The following CPD variants were observed in gnomAD, a reference collection of about 807,000 sequenced individuals.
CPD encodes the protein carboxypeptidase D.
In CPD, 69 loss-of-function variants were observed where a neutral mutation model predicts 138.3. That is an observed-to-expected ratio of 0.50 (90% CI 0.41 to 0.61). The LOEUF (loss-of-function observed/expected upper bound fraction) is 0.61. Among genes scored for constraint, CPD ranks in the 20% least tolerant of loss-of-function variants. The probability of loss-of-function intolerance (pLI) is 0.00; values close to 1 mark genes in which losing one functional copy is unlikely to be tolerated. For missense variants in CPD, 1,432 were observed against 1,733.3 expected, an observed-to-expected ratio of 0.83 and a Z score of 3.09; for synonymous variants, 651 against 642.1, an observed-to-expected ratio of 1.01 and a Z score of -0.21.
chr17:30,378,957 C>CG lies in CPD; in HGVS notation c.-20dup. The CG allele has an allele frequency of 6.8e-7, 1 of 1,465,822 alleles. No homozygotes were observed. The highest frequency in any genetic ancestry group is 8.9e-7 in the Non-Finnish European group (1 of 1,121,964). The allele number at this position is 1,465,822 out of a possible 1,614,324, so 90.8% of individuals were successfully genotyped here. A position where few individuals can be genotyped will look rare whatever the true frequency, so the allele number is the denominator to read the frequency against. On this transcript the variant is annotated 5_prime_UTR_variant, in exon 1 of 21. Coordinates refer to ENST00000225719, the MANE Select transcript of CPD (RefSeq NM_001304.5). The stretch of plus-strand genomic sequence containing the variant: ...GAGCGCTGAGCCGCGGGAGCGGAGC[C>CG]GGGGTTAGCGGCGCTGCTGGAAGAT...
chr17:30,394,602 A>G (rs1428596027), intron 2 of CPD, among the ~76,000 whole-genome samples: 1 of 152,150 alleles, frequency 6.6e-6, no homozygotes, highest in Non-Finnish European at 1.5e-5. Flanking sequence ...AAAGAGTCCT[A>G]GAGGAGGGAA....
Position 30,379,482 on chromosome 17 carries a change from G to T in CPD, c.502G>T (p.Val168Phe), listed in dbSNP as rs774252098. 1 of 1,574,228 alleles carries T rather than the reference G, an allele frequency of 6.4e-7. No homozygotes were observed. The highest frequency in any genetic ancestry group is 1.1e-5 in the South Asian group (1 of 87,766). ...CTACCGCCGCGGGGACCCGCGCCTGGTCCGCCTGCTCAACACCACCGACGT... is the reference window on the plus strand; with the variant it reads ...CTACCGCCGCGGGGACCCGCGCCTGTTCCGCCTGCTCAACACCACCGACGT... ...AGYRRGDPRL[V>F]RLLNTTDVYL... is the part of the protein sequence containing the mutation. The change falls in exon 1 of 21, where the codon GTC (valine) becomes TTC (phenylalanine). Residue 168 changes from valine to phenylalanine, a missense_variant. By Grantham distance (50) the Val-to-Phe change is conservative. This residue lies in a region of CPD where 484 missense variants were observed against 477.2 expected (regional missense o/e 1.01). Coordinates refer to ENST00000225719, the MANE Select transcript of CPD (RefSeq NM_001304.5). This position sits in a 1 kb window ranked among gnomAD's most constrained non-coding sequence, Gnocchi z 7.0.
chr17:30,388,460 C>T (rs1275111746), intron 2 of CPD, among the ~76,000 whole-genome samples: 1 of 152,240 alleles, frequency 6.6e-6, no homozygotes, highest in African/African-American at 2.4e-5. Context: ...CTTGTCAGTG[C>T]CCAGTCCGGT....
chr17:30,461,862 T>C lies in CPD; in HGVS notation c.3631-15T>C. On this transcript the variant is annotated splice_polypyrimidine_tract_variant and intron_variant, in intron 18 of 20. Transcript: ENST00000225719. ...ATTATGACAACATAAATTTATATTT[T>C]AAACATTTTTTCAGGTTCACAAGGG... is the stretch of plus-strand genomic sequence containing the variant. 4 of 1,574,954 alleles carry C rather than the reference T, an allele frequency of 2.5e-6. No homozygotes were observed. Among genetic ancestry groups the C allele is most frequent in the Non-Finnish European group, 3.4e-6 (4 of 1,160,520 alleles).
rs769815696 is a variant in CPD, at chr17:30,422,843, T to C, written c.1477T>C (p.Tyr493His). The change falls in exon 5 of 21, where the codon TAC (tyrosine) becomes CAC (histidine). Residue 493 changes from tyrosine to histidine, a missense_variant. By Grantham distance (83) the Tyr-to-His change is moderately conservative. Transcript: ENST00000225719. Reference sequence around the variant, plus strand: ...TATTCTTTCTGGAACATCATCCTCCTACCAGCCAATTCAGCCAAAGGACTT... The same window carrying C: ...TATTCTTTCTGGAACATCATCCTCCCACCAGCCAATTCAGCCAAAGGACTT... Reference protein sequence around the residue: ...PNILSGTSSSYQPIQPKDFHH... With the variant: ...PNILSGTSSSHQPIQPKDFHH... 3.7e-6 allele frequency: 6 copies of C among 1,614,114 alleles called. No individual in the cohort carries two copies. The highest frequency in any genetic ancestry group is 4.2e-6 in the Non-Finnish European group (5 of 1,179,970).
chr17:30,417,602 C>T (rs544274564), intron 2 of CPD, among the ~76,000 whole-genome samples: 2 of 152,258 alleles, frequency 1.3e-5, no homozygotes, highest in East Asian at 3.9e-4. Context: ...CTCTCAACTC[C>T]CACTATCTAT....
At position 30,427,480 on chromosome 17, in the gene CPD, C is replaced by G. The variant is rs778443694; in HGVS notation, c.1939C>G (p.Pro647Ala). The change falls in exon 7 of 21, where the codon CCT (proline) becomes GCT (alanine). Residue 647 changes from proline to alanine, a missense_variant. By Grantham distance (27) the Pro-to-Ala change is conservative (BLOSUM62 -1). This residue lies in a region of CPD where 297 missense variants were observed against 405.3 expected (regional missense o/e 0.73). Transcript: ENST00000225719. ...FPDQFVQITD[P>A]TQPETIAVMS... ...AGACCAGTTTGTTCAGATCACAGATCCTACGCAACCAGAAACTATTGCTGT... is the reference window on the plus strand; with the variant it reads ...AGACCAGTTTGTTCAGATCACAGATGCTACGCAACCAGAAACTATTGCTGT... 1 of 1,614,134 alleles carries G rather than the reference C, an allele frequency of 6.2e-7. No individual in the cohort carries two copies. Among genetic ancestry groups the G allele is most frequent in the Non-Finnish European group, 8.5e-7 (1 of 1,180,002 alleles).
At chr17:30,425,117 T>C (rs1180165515) in intron 6 of CPD, among the ~76,000 whole-genome samples, 1 of 119,002 alleles carries the variant, frequency 8.4e-6, no homozygotes, top group African/African-American at 2.8e-5. Flanking sequence ...TCCAGTTTTC[T>C]TTAGTCTCTT....
At chr17:30,436,543 A>G (rs1455701223) in intron 8 of CPD, among the ~76,000 whole-genome samples, 1 of 152,240 alleles carries the variant, frequency 6.6e-6, no homozygotes, top group African/African-American at 2.4e-5. Flanking sequence ...TAGCCATTAG[A>G]GAAATGCAAG....
rs35779169 is a variant in CPD at position 30,394,116 on chromosome 17, CTTTTTTTTTTT to C, written c.994+8899_994+8909del. The stretch of plus-strand genomic sequence containing the variant: ...TATGATTGCACCACTGCACTCCAGC[CTTTTTTTTTTT>C]TTTTTTTTTTTTTTTTTTGACAGGG... On this transcript the variant is annotated intron_variant, in intron 2 of 20. Transcript: ENST00000225719. 8.7e-3 allele frequency among the ~76,000 whole-genome samples: 354 copies of C among 40,836 alleles called. 1 individual carries two copies. Among genetic ancestry groups the C allele is most frequent in the Non-Finnish European group, 0.013 (290 of 22,776 alleles). 26.8% of individuals were successfully genotyped at this position (40,836 alleles called of 152,430 possible). A position where few individuals can be genotyped will look rare whatever the true frequency, so the allele number is the denominator to read the frequency against.
intron 8 of CPD, among the ~76,000 whole-genome samples, chr17:30,434,513 G>A (rs1023642161): frequency 6.6e-6 from 1 of 152,142 alleles, no homozygotes; most frequent in African/African-American, 2.4e-5. Context: ...GCAGATTAGA[G>A]CTCTGGAATA....
rs370537953 is a variant in CPD at position 30,423,546 on chromosome 17, T to C, written c.1698T>C (p.Asn566=). Residue 566 remains asparagine, a synonymous_variant, in exon 6 of 21, where the codon AAT becomes AAC. Transcript: ENST00000225719. ...EFKYIGNMHG[N]EVVGRELLLN... is the part of the protein sequence containing the mutation. ...AGTACATTGGAAATATGCATGGAAA[T>C]GAAGTGGTTGGAAGAGAACTGCTGT... The C allele has an allele frequency of 1.1e-5, 18 of 1,602,906 alleles. No homozygotes were observed. The African/African-American group carries it at 2.2e-4, about 19-fold the overall frequency.
intron 8 of CPD, among the ~76,000 whole-genome samples, chr17:30,432,921 A>G (rs1912600853): frequency 6.6e-6 from 1 of 152,186 alleles, no homozygotes; most frequent in African/African-American, 2.4e-5. Flanking sequence ...CCTGTCTCAA[A>G]AAAATAAAAA....
intron 14 of CPD, among the ~76,000 whole-genome samples, chr17:30,452,244 T>C (rs750872965): frequency 6.6e-6 from 1 of 151,978 alleles, no homozygotes; most frequent in Non-Finnish European, 1.5e-5. Context: ...ATTGACATGG[T>C]TCAATTTCAG....
At chr17:30,446,192 A>G (rs1458232855) in intron 12 of CPD, among the ~76,000 whole-genome samples, 172 bp downstream of exon 12, 1 of 151,488 alleles carries the variant, frequency 6.6e-6, no homozygotes, top group Non-Finnish European at 1.5e-5. Context: ...TTTTTTAATT[A>G]TGCTTTAAGT....
intron 2 of CPD, among the ~76,000 whole-genome samples, chr17:30,390,877 T>G (rs953356742): frequency 6.6e-6 from 1 of 150,790 alleles, no homozygotes; most frequent in Non-Finnish European, 1.5e-5. Flanking sequence ...TTGCCCAGGG[T>G]GGAGTGCAAT....
At chr17:30,455,507 G>A in intron 15 of CPD, 37 bp downstream of exon 15, 1 of 1,582,660 alleles carries the variant, frequency 6.3e-7, no homozygotes, top group Admixed American at 2.0e-5. Context: ...TACTGTTTAA[G>A]CTTAGGTAGC....
intron 2 of CPD, among the ~76,000 whole-genome samples, chr17:30,388,246 T>C (rs1056985473): frequency 6.6e-6 from 1 of 152,124 alleles, no homozygotes; most frequent in Non-Finnish European, 1.5e-5. Flanking sequence ...CCCACTCCAG[T>C]CTATGGGACT....
intron 2 of CPD, among the ~76,000 whole-genome samples, chr17:30,395,359 C>CGTAAAG (rs1567867118): frequency 6.6e-6 from 1 of 152,040 alleles, no homozygotes; most frequent in African/African-American, 2.4e-5. Context: ...TTGGTCTTAC[C>CGTAAAG]TGATCTTGCA....
Sources: gnomAD v4.1 joint callset for allele counts (sites outside exome capture counted in the v4.1 genomes callset) on GRCh38, gnomAD v4.1.1 for gene constraint, gnomAD v4.1.1 regional missense constraint, Gnocchi (gnomAD v3.1) non-coding constraint, MANE v1.5 for transcripts, NCBI Gene and HGNC (gene_info 2026-07-23, HGNC 2026-07-21) for gene names.